FAM107B: variants seen among roughly 807,000 people sequenced by gnomAD.
The protein encoded by FAM107B is protein FAM107B.
FAM107B carries 21 observed loss-of-function variants against 31.5 expected under a neutral mutation model. That is an observed-to-expected ratio of 0.67 (90% CI 0.47 to 0.96). FAM107B has a LOEUF of 0.96. FAM107B is among the 40% of genes least tolerant of loss of function. The pLI is 0.00. For synonymous variants in FAM107B, 157 were observed against 141.5 expected, an observed-to-expected ratio of 1.11 and a Z score of -0.78; for missense variants, 452 against 377.1, an observed-to-expected ratio of 1.20 and a Z score of -1.64.
intron 2 of FAM107B, among the ~76,000 whole-genome samples, chr10:14,641,304 G>A (rs1853621765): frequency 6.6e-6 from 1 of 152,186 alleles, no homozygotes; most frequent in Non-Finnish European, 1.5e-5. Flanking sequence ...TCTGGCACAT[G>A]AGACTTCTGA....
intron 1 of FAM107B, among the ~76,000 whole-genome samples, chr10:14,680,499 C>T (rs765262174): frequency 1.4e-4 from 21 of 150,314 alleles, no homozygotes; most frequent in Non-Finnish European, 2.1e-4. Flanking sequence ...GCTTGAACCC[C>T]GGAGGCAGAG....
At chr10:14,754,860 C>T (rs1414698502) in intron 1 of FAM107B, among the ~76,000 whole-genome samples, 2 of 152,184 alleles carry the variant, frequency 1.3e-5, no homozygotes, top group Admixed American at 6.5e-5. Context: ...TCCATTACAT[C>T]CTGAATATTC....
intron 2 of FAM107B, among the ~76,000 whole-genome samples, chr10:14,599,565 G>A (rs1852300175): frequency 6.6e-6 from 1 of 152,148 alleles, no homozygotes; most frequent in African/African-American, 2.4e-5. Context: ...CACTTTGGGA[G>A]GCCAAGGCAG....
chr10:14,549,721 G>A (rs1403033394), intron 2 of FAM107B, among the ~76,000 whole-genome samples: 6 of 152,224 alleles, frequency 3.9e-5, no homozygotes, highest in South Asian at 2.1e-4. Context: ...ATTCACCACC[G>A]ACAGTGATCT....
chr10:14,553,329 C>A (rs1276019247), intron 2 of FAM107B: 1 of 1,264,886 alleles, frequency 7.9e-7, no homozygotes, highest in Admixed American at 2.6e-5. Context: ...TACTAAAATA[C>A]TTTGTAAAGC....
chr10:14,738,310 G>A (rs1856357139), intron 1 of FAM107B, among the ~76,000 whole-genome samples: 1 of 152,166 alleles, frequency 6.6e-6, no homozygotes, highest in African/African-American at 2.4e-5. Flanking sequence ...TTAGGGAAAA[G>A]ATAAGGCGTA....
At chr10:14,643,121 A>ATAGGTAGGTAGG (rs1477839119) in intron 2 of FAM107B, among the ~76,000 whole-genome samples, 1 of 151,692 alleles carries the variant, frequency 6.6e-6, no homozygotes, top group Non-Finnish European at 1.5e-5. Flanking sequence ...AGGTAGGTAG[A>ATAGGTAGGTAGG]TAGACAGATA....
At chr10:14,560,908 C>T (rs1027344180) in intron 2 of FAM107B, among the ~76,000 whole-genome samples, 9 of 152,206 alleles carry the variant, frequency 5.9e-5, no homozygotes, top group African/African-American at 1.9e-4. Flanking sequence ...GAGCAGATGA[C>T]TGTTCTGGGA....
At chr10:14,749,693 C>T (rs1283478525) in intron 1 of FAM107B, among the ~76,000 whole-genome samples, 2 of 152,178 alleles carry the variant, frequency 1.3e-5, no homozygotes, top group Non-Finnish European at 1.5e-5. Flanking sequence ...TCTGGACCAT[C>T]TCTCCCCATT....
At chr10:14,767,089 G>GAGAGAGAGAGAC (rs1245055692) in intron 1 of FAM107B, among the ~76,000 whole-genome samples, 5 of 112,532 alleles carry the variant, frequency 4.4e-5, no homozygotes, top group Non-Finnish European at 8.7e-5. Flanking sequence ...GAGAGAGAGA[G>GAGAGAGAGAGAC]AGAGAGAGAG....
At chr10:14,670,797 G>C (rs908706618) in intron 1 of FAM107B, among the ~76,000 whole-genome samples, 4 of 152,196 alleles carry the variant, frequency 2.6e-5, no homozygotes, top group Admixed American at 6.5e-5. Flanking sequence ...CTCTTGGTTG[G>C]AGAGCTTTCA....
intron 2 of FAM107B, among the ~76,000 whole-genome samples, chr10:14,580,231 G>C (rs914581996): frequency 6.6e-6 from 1 of 151,844 alleles, no homozygotes; most frequent in African/African-American, 2.4e-5. Context: ...ATGGTGGTGG[G>C]TGCCTGTAGC....
At chr10:14,614,070 G>T (rs1267286965) in intron 2 of FAM107B, among the ~76,000 whole-genome samples, 2 of 152,168 alleles carry the variant, frequency 1.3e-5, no homozygotes, top group Non-Finnish European at 2.9e-5. Flanking sequence ...GGCAGAGGTT[G>T]CAGTGAGCCA....
chr10:14,667,788 G>C, intron 1 of FAM107B, 97 bp from the exon 2 acceptor site: 1 of 1,286,410 alleles, frequency 7.8e-7, no homozygotes. Context: ...ATTAATATGA[G>C]ATCAAGACTT....
intron 2 of FAM107B, chr10:14,571,631 A>T (rs889266663): frequency 3.0e-6 from 1 of 332,764 alleles, no homozygotes; most frequent in Non-Finnish European, 4.3e-6. Context: ...CACTCACTAT[A>T]ACAACATATA....
intron 1 of FAM107B, among the ~76,000 whole-genome samples, chr10:14,772,360 A>ATATAT (rs1554759123): frequency 2.2e-3 from 306 of 137,890 alleles, no homozygotes; most frequent in African/African-American, 9.1e-3. Context: ...TCTTAAAAAA[A>ATATAT]AAATATATAT....
At chr10:14,564,037 G>A (rs914646799) in intron 2 of FAM107B, among the ~76,000 whole-genome samples, 1 of 151,714 alleles carries the variant, frequency 6.6e-6, no homozygotes, top group African/African-American at 2.4e-5. Flanking sequence ...GTTTATTATT[G>A]TTTGTTATTT....
chr10:14,684,355 G>A (rs1290672500), intron 1 of FAM107B, among the ~76,000 whole-genome samples: 2 of 152,206 alleles, frequency 1.3e-5, no homozygotes, highest in African/African-American at 4.8e-5. Context: ...GGGAGGCTGA[G>A]GTAGGAGAAT....
At chr10:14,545,602 G>A (rs1163289596) in intron 2 of FAM107B, among the ~76,000 whole-genome samples, 2 of 152,166 alleles carry the variant, frequency 1.3e-5, no homozygotes, top group Non-Finnish European at 2.9e-5. Context: ...GAGGCCATGT[G>A]GCAATCCCAT....
Sources: allele counts gnomAD v4.1 joint callset (sites outside exome capture counted in the v4.1 genomes callset), GRCh38; gene constraint gnomAD v4.1.1; transcripts MANE v1.5; gene names NCBI Gene and HGNC (gene_info 2026-07-23, HGNC 2026-07-21).